The following GRIK1 variants were observed in gnomAD, a reference collection of about 807,000 sequenced individuals.
GRIK1 encodes glutamate receptor ionotropic, kainate 1.
A neutral mutation model predicts 105.7 loss-of-function variants in GRIK1; 69 were observed. That is an observed-to-expected ratio of 0.65 (90% CI 0.54 to 0.80). The LOEUF (loss-of-function observed/expected upper bound fraction) is 0.80, where lower values mean the gene tolerates loss of function less well. Ranked by LOEUF, GRIK1 falls within the 30% of genes least tolerant of loss-of-function variation. GRIK1 has a pLI of 0.00. For missense variants in GRIK1, 1,109 were observed against 1,167.3 expected, an observed-to-expected ratio of 0.95 and a Z score of 0.73; for synonymous variants, 438 against 431.3, an observed-to-expected ratio of 1.02 and a Z score of -0.19.
chr21:29,553,283 G>C, intron 16 of GRIK1: 1 of 1,051,410 alleles, frequency 9.5e-7, no homozygotes. Context: ...TTTAATGCAT[G>C]AAGATAGAAC....
At chr21:29,665,418 A>G (rs1014032334) in intron 4 of GRIK1, among the ~76,000 whole-genome samples, 1 of 152,234 alleles carries the variant, frequency 6.6e-6, no homozygotes, top group Non-Finnish European at 1.5e-5. Flanking sequence ...AAGTAATTAT[A>G]TAACATACTA....
chr21:29,552,990 C>T (rs1177780125), intron 16 of GRIK1, among the ~76,000 whole-genome samples: 1 of 152,036 alleles, frequency 6.6e-6, no homozygotes, highest in East Asian at 1.9e-4. Flanking sequence ...AATGCTAAGA[C>T]ACTTTTGAGT....
At chr21:29,913,003 T>A (rs1422193523) in intron 1 of GRIK1, among the ~76,000 whole-genome samples, 3 of 152,126 alleles carry the variant, frequency 2.0e-5, no homozygotes, top group African/African-American at 4.8e-5. Flanking sequence ...ATTCATTACA[T>A]GACGTACTTA....
At chr21:29,870,728 A>G (rs1048711128) in intron 1 of GRIK1, among the ~76,000 whole-genome samples, 4 of 152,058 alleles carry the variant, frequency 2.6e-5, no homozygotes, top group African/African-American at 9.7e-5. Context: ...TTTTTCCTAA[A>G]TCCAGTCTAG....
intron 7 of GRIK1, among the ~76,000 whole-genome samples, chr21:29,630,376 A>C (rs1255780701): frequency 6.6e-6 from 1 of 152,132 alleles, no homozygotes; most frequent in Non-Finnish European, 1.5e-5. Context: ...GATTATGGCA[A>C]AGGGAAAGGA....
intron 1 of GRIK1, among the ~76,000 whole-genome samples, chr21:29,792,689 A>G (rs2066451819): frequency 6.6e-6 from 1 of 152,218 alleles, no homozygotes; most frequent in African/African-American, 2.4e-5. Flanking sequence ...GCTCAGTGCA[A>G]CATGATGCAT....
chr21:29,537,731 A>T, intron 17 of GRIK1, 67 bp downstream of exon 17: 1 of 837,956 alleles, frequency 1.2e-6, no homozygotes, highest in Non-Finnish European at 2.1e-6. Context: ...CACTGAGATG[A>T]TCCAAACATT....
At chr21:29,674,286 T>G (rs977406313) in intron 3 of GRIK1, among the ~76,000 whole-genome samples, 1 of 149,186 alleles carries the variant, frequency 6.7e-6, no homozygotes, top group Non-Finnish European at 1.5e-5. Flanking sequence ...AGAAGTTACA[T>G]TTGTGTGTGT....
chr21:29,680,488 T>G (rs1003931134), intron 3 of GRIK1, among the ~76,000 whole-genome samples: 18 of 152,182 alleles, frequency 1.2e-4, no homozygotes, highest in Non-Finnish European at 7.3e-5. Context: ...TTTGCCTCTG[T>G]AGAGTGTACA....
intron 1 of GRIK1, among the ~76,000 whole-genome samples, chr21:29,862,188 A>G (rs1397565584): frequency 1.3e-5 from 2 of 152,006 alleles, no homozygotes; most frequent in Non-Finnish European, 2.9e-5. Flanking sequence ...GGGTCTCCCT[A>G]TGTTGCCTAG....
intron 3 of GRIK1, among the ~76,000 whole-genome samples, chr21:29,679,654 T>A (rs902905247): frequency 2.0e-5 from 3 of 152,252 alleles, no homozygotes; most frequent in African/African-American, 4.8e-5. Context: ...TTTCAGGTAA[T>A]GACAACTCCA....
chr21:29,586,496 T>C (rs1295821730), intron 12 of GRIK1, among the ~76,000 whole-genome samples: 1 of 152,182 alleles, frequency 6.6e-6, no homozygotes, highest in African/African-American at 2.4e-5. Context: ...AAAAATTGAT[T>C]AGGGAAAAAG....
intron 1 of GRIK1, among the ~76,000 whole-genome samples, chr21:29,874,177 A>C (rs936711131): frequency 2.0e-5 from 3 of 152,140 alleles, no homozygotes; most frequent in Non-Finnish European, 4.4e-5. Context: ...GACCCCTGCT[A>C]TCGACCACTG....
At chr21:29,607,773 A>G (rs1320515346) in intron 7 of GRIK1, among the ~76,000 whole-genome samples, 2 of 152,152 alleles carry the variant, frequency 1.3e-5, no homozygotes, top group African/African-American at 4.8e-5. Flanking sequence ...AGGCTAGTTA[A>G]TCTGAACTCC....
chr21:29,837,539 T>TG (rs1249733983), intron 1 of GRIK1, among the ~76,000 whole-genome samples: 3 of 151,982 alleles, frequency 2.0e-5, no homozygotes, highest in Admixed American at 1.3e-4. Flanking sequence ...CAACCACCAA[T>TG]GGGGGGGAAT....
chr21:29,544,028 A>C (rs551583850), intron 16 of GRIK1, among the ~76,000 whole-genome samples: 16 of 152,218 alleles, frequency 1.1e-4, no homozygotes, highest in African/African-American at 3.4e-4. Context: ...CTGGGACCTG[A>C]TGCCAACATC....
intron 1 of GRIK1, among the ~76,000 whole-genome samples, chr21:29,775,087 G>C (rs537505157): frequency 9.9e-5 from 15 of 152,126 alleles, no homozygotes; most frequent in African/African-American, 3.6e-4. Context: ...GGGAGGCCAA[G>C]GCTGGCAGAT....
intron 1 of GRIK1, among the ~76,000 whole-genome samples, chr21:29,835,420 C>G (rs1240405947): frequency 1.3e-5 from 2 of 152,162 alleles, no homozygotes; most frequent in African/African-American, 2.4e-5. Flanking sequence ...TTCTTTGTCT[C>G]TGGTCTTTTT....
intron 12 of GRIK1, among the ~76,000 whole-genome samples, chr21:29,584,197 TGAG>T (rs1470269788): frequency 6.6e-6 from 1 of 152,128 alleles, no homozygotes; most frequent in African/African-American, 2.4e-5. Flanking sequence ...TAGGCTGCAT[TGAG>T]GAGAGAAAAA....
Sources: allele counts gnomAD v4.1 joint callset (sites outside exome capture counted in the v4.1 genomes callset), GRCh38; gene constraint gnomAD v4.1.1; transcripts MANE v1.5; gene names NCBI Gene and HGNC (gene_info 2026-07-23, HGNC 2026-07-21).